The following TAX1BP1 variants were observed in gnomAD, a reference collection of about 807,000 sequenced individuals.
TAX1BP1 encodes Tax1 binding protein 1.
Under a neutral mutation model 97.7 loss-of-function variants are expected in TAX1BP1, and 62 were observed. The observed-to-expected ratio is 0.63, with a 90% confidence interval of 0.52 to 0.78. The LOEUF (loss-of-function observed/expected upper bound fraction) is 0.78, where lower values mean the gene tolerates loss of function less well. Among genes scored for constraint, TAX1BP1 ranks in the 30% least tolerant of loss-of-function variants. The pLI, the probability that TAX1BP1 is intolerant of heterozygous loss-of-function variation, is 0.00. For missense variants in TAX1BP1, 867 were observed against 916.1 expected, an observed-to-expected ratio of 0.95 and a Z score of 0.69; for synonymous variants, 340 against 304.2, an observed-to-expected ratio of 1.12 and a Z score of -1.23.
rs1374375420 is a variant in TAX1BP1, at chr7:27,742,464, CAT to C, written c.-8+2196_-8+2197del. Among the ~76,000 whole-genome samples, 10 of 152,314 alleles carry C rather than the reference CAT, an allele frequency of 6.6e-5. No homozygotes were observed. In the East Asian group the frequency reaches 1.3e-3, roughly 21 times the overall value. ...GTTTAACCGTGAGTTTGACACAGCA[CAT>C]GTTTCAGAGAGCACGGGGTTGGTGG... On this transcript the variant is annotated intron_variant, in intron 1 of 16. Coordinates refer to ENST00000396319, the MANE Select transcript of TAX1BP1 (RefSeq NM_006024.7).
At chr7:27,765,804 T>A (rs1173576643) in intron 3 of TAX1BP1, 30 bp from the exon 4 acceptor site, 3 of 1,558,676 alleles carry the variant, frequency 1.9e-6, no homozygotes, top group Non-Finnish European at 2.6e-6. Flanking sequence ...ATAGGAAGTT[T>A]AATAATTTTG....
At chr7:27,766,398 C>T (rs371181561) in intron 4 of TAX1BP1, among the ~76,000 whole-genome samples, 4 of 108,246 alleles carry the variant, frequency 3.7e-5, no homozygotes, top group African/African-American at 3.5e-5. Flanking sequence ...CCAGCCTGGG[C>T]GACAGAGCGA....
chr7:27,780,569 G>C, intron 5 of TAX1BP1, among the ~76,000 whole-genome samples: 1 of 152,134 alleles, frequency 6.6e-6, no homozygotes, highest in East Asian at 1.9e-4. Context: ...TTTGGACAGA[G>C]GCAGTTTAAG....
intron 15 of TAX1BP1, among the ~76,000 whole-genome samples, chr7:27,826,508 C>T (rs1791183636): frequency 6.6e-6 from 1 of 150,962 alleles, no homozygotes; most frequent in African/African-American, 2.4e-5. Flanking sequence ...GCATGCCTAC[C>T]CAGTAACATA....
At chr7:27,798,296 T>C (rs925746797) in intron 12 of TAX1BP1, among the ~76,000 whole-genome samples, 5 of 152,144 alleles carry the variant, frequency 3.3e-5, no homozygotes, top group African/African-American at 1.2e-4. Context: ...TATGGACATA[T>C]GTTTTTTTTT....
At chr7:27,818,567 C>T (rs1167655944) in intron 15 of TAX1BP1, among the ~76,000 whole-genome samples, 4 of 152,102 alleles carry the variant, frequency 2.6e-5, no homozygotes, top group Non-Finnish European at 5.9e-5. Context: ...GACCTACCTA[C>T]TCTTTCAGCC....
At chr7:27,758,187 A>AAGAT in intron 3 of TAX1BP1, 54 bp downstream of exon 3, 1 of 1,362,434 alleles carries the variant, frequency 7.3e-7, no homozygotes, top group Non-Finnish European at 1.0e-6. Flanking sequence ...ATTGCCATTA[A>AAGAT]AGATGTTGTA....
intron 13 of TAX1BP1, among the ~76,000 whole-genome samples, chr7:27,801,691 C>T (rs1371903488): frequency 6.6e-6 from 1 of 152,026 alleles, no homozygotes; most frequent in Non-Finnish European, 1.5e-5. Context: ...CATCTATAAG[C>T]CATGGGAAGC....
intron 3 of TAX1BP1, among the ~76,000 whole-genome samples, chr7:27,759,466 A>G (rs1788346552): frequency 6.6e-6 from 1 of 152,186 alleles, no homozygotes; most frequent in South Asian, 2.1e-4. Context: ...GTTAGTAAAA[A>G]TAAAAATATA....
intron 5 of TAX1BP1, among the ~76,000 whole-genome samples, chr7:27,777,229 G>A (rs893860016): frequency 2.6e-5 from 4 of 152,054 alleles, no homozygotes; most frequent in African/African-American, 9.7e-5. Context: ...ATTATACCTT[G>A]CTGGGTGTTG....
intron 13 of TAX1BP1, among the ~76,000 whole-genome samples, chr7:27,804,569 T>A (rs980452045): frequency 6.6e-6 from 1 of 152,228 alleles, no homozygotes; most frequent in Non-Finnish European, 1.5e-5. Context: ...CAGTTACAAG[T>A]GAGGTCCTCA....
At chr7:27,799,816 T>G in intron 12 of TAX1BP1, 149 bp from the exon 13 acceptor site, 1 of 457,710 alleles carries the variant, frequency 2.2e-6, no homozygotes, top group Admixed American at 4.4e-5. Flanking sequence ...TTTATCCAAT[T>G]GTCTATTAAT....
At chr7:27,768,121 C>T (rs527880513) in intron 4 of TAX1BP1, among the ~76,000 whole-genome samples, 1 of 151,942 alleles carries the variant, frequency 6.6e-6, no homozygotes, top group Non-Finnish European at 1.5e-5. Flanking sequence ...ATATTCTTAG[C>T]TATAATAATA....
chr7:27,753,826 A>T (rs888559681), intron 2 of TAX1BP1, among the ~76,000 whole-genome samples: 2 of 151,782 alleles, frequency 1.3e-5, no homozygotes, highest in Admixed American at 6.6e-5. Flanking sequence ...TTATTGTACT[A>T]TACTCACTTA....
At chr7:27,753,338 C>A (rs1482741542) in intron 2 of TAX1BP1, among the ~76,000 whole-genome samples, 1 of 152,100 alleles carries the variant, frequency 6.6e-6, no homozygotes, top group African/African-American at 2.4e-5. Context: ...GATGCCATAT[C>A]TTTATTATTA....
chr7:27,797,613 C>A (rs1031493931), intron 12 of TAX1BP1, among the ~76,000 whole-genome samples: 17 of 151,594 alleles, frequency 1.1e-4, no homozygotes, highest in African/African-American at 4.1e-4. Context: ...TTATAAATAG[C>A]AAAATCTTTT....
At chr7:27,798,937 G>A (rs1790037234) in intron 12 of TAX1BP1, among the ~76,000 whole-genome samples, 1 of 150,548 alleles carries the variant, frequency 6.6e-6, no homozygotes, top group East Asian at 2.0e-4. Flanking sequence ...ATATATGTAA[G>A]GTGAATATTT....
At chr7:27,793,035 T>G in intron 9 of TAX1BP1, 31 bp from the exon 10 acceptor site, 1 of 1,565,000 alleles carries the variant, frequency 6.4e-7, no homozygotes, top group African/African-American at 1.4e-5. Context: ...CAGATTTTTA[T>G]TTTTTTCTTC....
At chr7:27,745,726 T>C (rs1030333708) in intron 1 of TAX1BP1, among the ~76,000 whole-genome samples, 1 of 150,264 alleles carries the variant, frequency 6.7e-6, no homozygotes, top group Non-Finnish European at 1.5e-5. Flanking sequence ...AAATGTGAAA[T>C]TCAGGGGAGG....
Sources: allele counts gnomAD v4.1 joint callset (sites outside exome capture counted in the v4.1 genomes callset), GRCh38; gene constraint gnomAD v4.1.1; transcripts MANE v1.5; gene names NCBI Gene and HGNC (gene_info 2026-07-23, HGNC 2026-07-21).